PLCD4: variants seen among roughly 807,000 people sequenced by gnomAD.
PLCD4 encodes 1-phosphatidylinositol 4,5-bisphosphate phosphodiesterase delta-4.
In PLCD4, 63 loss-of-function variants were observed where a neutral mutation model predicts 90.2. The ratio of observed to expected loss-of-function variants is 0.70; its 90% confidence interval spans 0.57 to 0.86. The LOEUF (loss-of-function observed/expected upper bound fraction) is 0.86. Ranked by LOEUF, PLCD4 falls within the 40% of genes least tolerant of loss-of-function variation. PLCD4 has a pLI of 0.00. For synonymous variants in PLCD4, 294 were observed against 356.5 expected (o/e 0.82, Z 1.97); for missense variants, 830 against 956.3 (o/e 0.87, Z 1.74).
intron 1 of PLCD4, among the ~76,000 whole-genome samples, chr2:218,613,617 T>C (rs1416376154): frequency 6.6e-6 from 1 of 151,876 alleles, no homozygotes; most frequent in Non-Finnish European, 1.5e-5. Context: ...AGGCTGGAGC[T>C]CAGTGGTGTA....
chr2:218,621,287 A>G (rs1306970563), intron 4 of PLCD4, among the ~76,000 whole-genome samples, 183 bp from the exon 5 acceptor site: 2 of 152,248 alleles, frequency 1.3e-5, no homozygotes, highest in African/African-American at 4.8e-5. Context: ...TGCCTGGGCC[A>G]TACAGTGACA....
rs1464556894 is a variant in PLCD4, at chr2:218,616,098, G to C, written c.181+36G>C. 3 of 1,605,280 alleles carry C rather than the reference G, an allele frequency of 1.9e-6. No individual in the cohort carries two copies. The African/African-American group carries it at 4.0e-5, about 21-fold the overall frequency. ...TGGATAGTGGGGGGTGGATACATGG[G>C]TGGATAGAGGCCTGAGGAGCCCGGC... On this transcript the variant is annotated intron_variant, in intron 3 of 15. Transcript: ENST00000450993.
In PLCD4 at chr2:218,632,303, C is replaced by T. The variant is rs780446178; in HGVS notation, c.1440C>T (p.Asp480=). The change falls in exon 10 of 16, where the codon GAC becomes GAT. Residue 480 remains aspartate (D), a synonymous_variant. Transcript: ENST00000450993. ...EPQEQNLQNK[D]KKKKSKPILC... Reference sequence around the variant, plus strand: ...AGGAGCAGAACCTTCAGAATAAGGACAAAAAGAAGGTAAGCCAGGAGTGGT... The same window carrying T: ...AGGAGCAGAACCTTCAGAATAAGGATAAAAAGAAGGTAAGCCAGGAGTGGT... 7 of 1,605,298 alleles carry T rather than the reference C, an allele frequency of 4.4e-6. No individual in the cohort carries two copies. Among genetic ancestry groups the T allele is most frequent in the Middle Eastern group, 1.7e-4 (1 of 5,918 alleles).
At chr2:218,630,564 A>G (rs1254519620) in intron 8 of PLCD4, 86 bp from the exon 9 acceptor site, 2 of 1,491,666 alleles carry the variant, frequency 1.3e-6, no homozygotes, top group African/African-American at 2.8e-5. Flanking sequence ...GTGAGTAAGT[A>G]GGGAGGCCTA....
chr2:218,634,552 C>T lies in PLCD4; in HGVS notation c.1818C>T (p.Asp606=), dbSNP rs1696599713. Residue 606 remains aspartate (D), a synonymous_variant, in exon 13 of 16, where the codon GAC becomes GAT. Coordinates refer to ENST00000450993, the MANE Select transcript of PLCD4 (RefSeq NM_032726.4). This position sits in a 1 kb window ranked among gnomAD's most constrained non-coding sequence, Gnocchi z 4.0. ...GCTGTGGCTATGTGCTGAAGCCAGA[C>T]TTCCTGCGTGATATCCAGAGTTCTT... The part of the protein sequence containing the change: ...NGGCGYVLKP[D]FLRDIQSSFH... 6.2e-7 allele frequency: 1 copy of T among 1,614,070 alleles called. No homozygotes were observed. The highest frequency in any genetic ancestry group is 1.1e-5 in the South Asian group (1 of 91,092).
At position 218,636,718 on chromosome 2, in the gene PLCD4, T is replaced by A. The variant is rs1696780040; in HGVS notation, c.*141T>A. 1.1e-6 allele frequency: 1 copy of A among 877,360 alleles called. No homozygotes were observed. The highest frequency in any genetic ancestry group is 2.4e-5 in the Admixed American group (1 of 42,064). The allele number at this position is 877,360 out of a possible 1,614,324, so 54.3% of individuals were successfully genotyped here. Reference sequence around the variant, plus strand: ...CCTAGGCACAAAATTACCTCATTCTTCCTAACAAGCAATCTGGGACCTGAT... The same window carrying A: ...CCTAGGCACAAAATTACCTCATTCTACCTAACAAGCAATCTGGGACCTGAT... On this transcript the variant is annotated 3_prime_UTR_variant, in exon 16 of 16. Coordinates refer to ENST00000450993, the MANE Select transcript of PLCD4 (RefSeq NM_032726.4).
At chr2:218,624,557 A>G (rs1037340977) in intron 6 of PLCD4, among the ~76,000 whole-genome samples, 2 of 151,962 alleles carry the variant, frequency 1.3e-5, no homozygotes, top group Non-Finnish European at 2.9e-5. Context: ...TGTCTCTACT[A>G]AAAATATAAA....
At chr2:218,616,164 TG>T in intron 3 of PLCD4, 102 bp downstream of exon 3, 1 of 1,343,546 alleles carries the variant, frequency 7.4e-7, no homozygotes, top group Non-Finnish European at 1.0e-6. Flanking sequence ...GTGTTTGTGC[TG>T]TCCTAATTGT....
chr2:218,633,109 G>C, intron 10 of PLCD4: 1 of 418,912 alleles, frequency 2.4e-6, no homozygotes, highest in Non-Finnish European at 4.3e-6. Flanking sequence ...CAAATCCAAA[G>C]ATATTACTCT....
intron 6 of PLCD4, among the ~76,000 whole-genome samples, chr2:218,626,102 T>TA (rs1559270855): frequency 6.6e-6 from 1 of 151,078 alleles, no homozygotes; most frequent in African/African-American, 2.4e-5. Flanking sequence ...AATAAAAAAA[T>TA]AAAAAAAATA....
chr2:218,613,344 T>TTG (rs1695426860), intron 1 of PLCD4, among the ~76,000 whole-genome samples: 1 of 145,922 alleles, frequency 6.9e-6, no homozygotes, highest in Non-Finnish European at 1.5e-5. Flanking sequence ...TGAGCCGAGA[T>TTG]TGTGCCATTG....
chr2:218,633,897 G>C, intron 11 of PLCD4, 136 bp downstream of exon 11: 1 of 1,252,566 alleles, frequency 8.0e-7, no homozygotes, highest in Non-Finnish European at 1.1e-6. Flanking sequence ...CCTTAGAGCA[G>C]ACAAGGGCAG....
intron 3 of PLCD4, 63 bp from the exon 4 acceptor site, chr2:218,618,516 C>A: frequency 6.9e-7 from 1 of 1,448,288 alleles, no homozygotes; most frequent in South Asian, 1.2e-5. Context: ...GTCCTTCACT[C>A]TTAGCCCCTG....
chr2:218,619,316 C>T (rs190708693), intron 4 of PLCD4, among the ~76,000 whole-genome samples: 13 of 150,522 alleles, frequency 8.6e-5, no homozygotes, highest in South Asian at 4.2e-4. Context: ...GTTTTTGATA[C>T]GGAGTCTTGC....
In PLCD4 at chr2:218,628,061, T is replaced by G; in HGVS notation, c.805T>G (p.Phe269Val). 6.2e-7 allele frequency: 1 copy of G among 1,613,962 alleles called. No individual in the cohort carries two copies. The highest frequency in any genetic ancestry group is 8.5e-7 in the Non-Finnish European group (1 of 1,179,874). The change falls in exon 7 of 16, where the codon TTC (phenylalanine) becomes GTC (valine). Residue 269 changes from phenylalanine (F) to valine (V), a missense_variant. Phe to Val is a conservative substitution (Grantham distance 50, BLOSUM62 -1). Coordinates refer to ENST00000450993, the MANE Select transcript of PLCD4 (RefSeq NM_032726.4). ...KLRHVLSMDG[F>V]LSYLCSKDGD... is the part of the protein sequence containing the mutation. ...GCGGCATGTGCTGAGTATGGATGGC[T>G]TCCTCAGCTACCTCTGCTCTAAGGA...
chr2:218,624,592 G>A (rs535908401), intron 6 of PLCD4, among the ~76,000 whole-genome samples: 3 of 151,860 alleles, frequency 2.0e-5, no homozygotes, highest in East Asian at 1.9e-4. Flanking sequence ...GGTGGTGCAC[G>A]CTTGTAATTC....
chr2:218,616,125 G>A, intron 3 of PLCD4, 63 bp downstream of exon 3: 3 of 1,574,396 alleles, frequency 1.9e-6, no homozygotes, highest in African/African-American at 2.7e-5. Flanking sequence ...GAGCCCGGCA[G>A]GGGAGGGACC....
At chr2:218,630,167 A>C (rs1252992210) in intron 8 of PLCD4, among the ~76,000 whole-genome samples, 1 of 152,226 alleles carries the variant, frequency 6.6e-6, no homozygotes, top group Admixed American at 6.5e-5. Context: ...AGCAAGAGTG[A>C]AACTCCATCT....
chr2:218,633,222 T>C, intron 10 of PLCD4: 1 of 596,636 alleles, frequency 1.7e-6, no homozygotes, highest in Non-Finnish European at 3.0e-6. Flanking sequence ...ATTGTTCCTT[T>C]GTTTTAAATG....
Sources: allele counts gnomAD v4.1 joint callset (sites outside exome capture counted in the v4.1 genomes callset), GRCh38; gene constraint gnomAD v4.1.1; non-coding constraint Gnocchi (gnomAD v3.1); transcripts MANE v1.5; gene names NCBI Gene and HGNC (gene_info 2026-07-23, HGNC 2026-07-21).